The following MAVS variants were observed in gnomAD, a reference collection of about 807,000 sequenced individuals.
The protein encoded by MAVS is mitochondrial antiviral-signaling protein.
In MAVS, 20 loss-of-function variants were observed where a neutral mutation model predicts 30.2. The observed-to-expected ratio is 0.66, with a 90% CI of 0.47 to 0.96. The LOEUF (loss-of-function observed/expected upper bound fraction) is 0.96. Among genes scored for constraint, MAVS ranks in the 40% least tolerant of loss-of-function variants. The pLI is 0.00. For synonymous variants in MAVS, 278 were observed against 293.9 expected (o/e 0.95, Z 0.55); for missense variants, 624 against 701.1 (o/e 0.89, Z 1.24).
Position 3,862,457 on chromosome 20 carries a change from A to G in MAVS, c.625+44A>G, listed in dbSNP as rs184252738. The G allele has an allele frequency of 4.0e-3, 6,372 of 1,574,568 alleles. 22 individuals carry two copies. Among genetic ancestry groups the G allele is most frequent in the Non-Finnish European group, 4.3e-3 (4,927 of 1,157,664 alleles). On this transcript the variant is annotated intron_variant, in intron 5 of 6. Transcript: ENST00000428216. ...ATTATAGGGTCCTTCTGATCTCTCA[A>G]GTGAGGGTAAGAATTAGAGTTGCCC... is the stretch of plus-strand genomic sequence containing the variant.
At position 3,864,807 on chromosome 20, in the gene MAVS, T is replaced by A. The variant is rs563778382; in HGVS notation, c.1158+19T>A. The A allele has an allele frequency of 3.7e-6, 6 of 1,607,074 alleles. No homozygotes were observed. The Admixed American group carries it at 8.3e-5, about 22-fold the overall frequency. ...AAATGAGGTGAGTCCTCGCCCTTCCTGGCAGGGATCCTGGCCCCTTCCCCC... is the reference window on the plus strand; with the variant it reads ...AAATGAGGTGAGTCCTCGCCCTTCCAGGCAGGGATCCTGGCCCCTTCCCCC... On this transcript the variant is annotated intron_variant, in intron 6 of 6. Coordinates refer to ENST00000428216, the MANE Select transcript of MAVS (RefSeq NM_020746.5).
Position 3,861,454 on chromosome 20 carries a change from AG to A in MAVS, c.416del (p.Ser139IlefsTer52), listed in dbSNP as rs1247755209. The A allele has an allele frequency of 3.7e-6, 6 of 1,614,072 alleles. No homozygotes were observed. Among genetic ancestry groups the A allele is most frequent in the Non-Finnish European group, 5.1e-6 (6 of 1,179,976 alleles). On this transcript the variant is annotated frameshift_variant, in exon 4 of 7. Coordinates refer to ENST00000428216, the MANE Select transcript of MAVS (RefSeq NM_020746.5). LOFTEE classifies it high-confidence loss of function. ...CAACAGCTGCAGAGAGAAGGAGCCA[AG>A]TTACCCCATGCCTGTCCAGGAGACC... ...PYNSCREKEP[S>X]YPMPVQETQA...
rs765212362 is a variant in MAVS, at chr20:3,865,861, C to T, written c.1337C>T (p.Ser446Phe). The T allele has an allele frequency of 5.0e-6, 8 of 1,613,952 alleles. No homozygotes were observed. The African/African-American group carries it at 1.1e-4, about 22-fold the overall frequency. The change falls in exon 7 of 7, where the codon TCC becomes TTC. Residue 446 changes from serine to phenylalanine, a missense_variant. Transcript: ENST00000428216. This position sits in a 1 kb window ranked among gnomAD's most constrained non-coding sequence, Gnocchi z 4.7. ...GATCTTGCCATCAGTGCCAGCACCT[C>T]CTTGGGCATGGGGCCCTGCCATGGC... ...FEDLAISAST[S>F]LGMGPCHGPE...
At chr20:3,854,144 C>G (rs2089788693) in intron 1 of MAVS, among the ~76,000 whole-genome samples, 1 of 151,658 alleles carries the variant, frequency 6.6e-6, no homozygotes. Context: ...CAAAAACGGC[C>G]AGGTGTGGTG....
At chr20:3,859,443 G>C (rs914091251) in intron 3 of MAVS, among the ~76,000 whole-genome samples, 1 of 151,464 alleles carries the variant, frequency 6.6e-6, no homozygotes, top group Non-Finnish European at 1.5e-5. Flanking sequence ...GGGAGGTGGA[G>C]GTTGCAGTGA....
At position 3,868,888 on chromosome 20, in the gene MAVS, A is replaced by G. The variant is rs890600540; in HGVS notation, c.*2741A>G. ...GACCGAGTGATACTCTGTCTCAAAGAAAAAAAATTATAATTTTAGCACAGT... is the reference window on the plus strand; with the variant it reads ...GACCGAGTGATACTCTGTCTCAAAGGAAAAAAATTATAATTTTAGCACAGT... On this transcript the variant is annotated 3_prime_UTR_variant, in exon 7 of 7. Transcript: ENST00000428216. The G allele has an allele frequency of 6.6e-6, 1 of 152,036 alleles. No individual in the cohort carries two copies. The highest frequency in any genetic ancestry group is 2.4e-5 in the African/African-American group (1 of 41,240). The allele number at this position is 152,036 out of a possible 1,614,324, so 9.4% of individuals were successfully genotyped here.
rs1206901992 is a variant in MAVS at position 3,868,613 on chromosome 20, G to A, written c.*2466G>A. The A allele has an allele frequency of 3.3e-5, 5 of 150,016 alleles. No individual in the cohort carries two copies. The highest frequency in any genetic ancestry group is 2.0e-4 in the East Asian group (1 of 5,100). The allele number at this position is 150,016 out of a possible 1,614,324, so 9.3% of individuals were successfully genotyped here. ...TGTGCCACTGCGCTCCAGCCTGGGC[G>A]ACAGAGTGGTATTCTGTTTCAAAAA... On this transcript the variant is annotated 3_prime_UTR_variant, in exon 7 of 7. Coordinates refer to ENST00000428216, the MANE Select transcript of MAVS (RefSeq NM_020746.5).
At chr20:3,859,561 G>A (rs1217122427) in intron 3 of MAVS, among the ~76,000 whole-genome samples, 1 of 151,568 alleles carries the variant, frequency 6.6e-6, no homozygotes, top group Non-Finnish European at 1.5e-5. Flanking sequence ...GCTGTGGTAG[G>A]GCCTGATGAG....
rs2089917859 is a variant in MAVS at position 3,867,443 on chromosome 20, A to T, written c.*1296A>T. ...GGACCCCATCTCTACAAAAAAGTTT[A>T]AAAAATTAGCCAGGCGTGGTGGTGC... On this transcript the variant is annotated 3_prime_UTR_variant, in exon 7 of 7. Transcript: ENST00000428216. 1 of 183,180 alleles carries T rather than the reference A, an allele frequency of 5.5e-6. No individual in the cohort carries two copies. Among genetic ancestry groups the T allele is most frequent in the Non-Finnish European group, 1.2e-5 (1 of 85,782 alleles). The allele number at this position is 183,180 out of a possible 1,614,324, so 11.3% of individuals were successfully genotyped here.
chr20:3,857,757 G>A lies in MAVS; in HGVS notation c.240G>A (p.Glu80=), dbSNP rs1407245874. 1.2e-6 allele frequency: 2 copies of A among 1,614,128 alleles called. No individual in the cohort carries two copies. The highest frequency in any genetic ancestry group is 2.7e-5 in the African/African-American group (2 of 74,936). Residue 80 remains glutamate (E), a synonymous_variant, in exon 3 of 7, where the codon GAG becomes GAA. Coordinates refer to ENST00000428216, the MANE Select transcript of MAVS (RefSeq NM_020746.5). ...TCATTGCGGCACTGAGGGGCTGTGAGCTAGTTGATCTCGCGGACGAAGTGG... is the reference window on the plus strand; with the variant it reads ...TCATTGCGGCACTGAGGGGCTGTGAACTAGTTGATCTCGCGGACGAAGTGG... ...EYFIAALRGC[E]LVDLADEVAS...
chr20:3,856,059 T>G (rs1337379247), intron 2 of MAVS, among the ~76,000 whole-genome samples: 1 of 90,512 alleles, frequency 1.1e-5, no homozygotes, highest in Non-Finnish European at 2.6e-5. Context: ...GTGGCACGAT[T>G]TTTTTTTTTT....
In MAVS at chr20:3,868,566, G is replaced by A. The variant is rs1183701144; in HGVS notation, c.*2419G>A. ...CGAGAATTCCATGAACCCAGGATGC[G>A]GAGGTTGCAGTGAGCCGAGATTGTG... On this transcript the variant is annotated 3_prime_UTR_variant, in exon 7 of 7. Coordinates refer to ENST00000428216, the MANE Select transcript of MAVS (RefSeq NM_020746.5). 3.3e-5 allele frequency: 5 copies of A among 152,112 alleles called. No individual in the cohort carries two copies. Among genetic ancestry groups the A allele is most frequent in the Non-Finnish European group, 7.4e-5 (5 of 68,020 alleles). The allele number at this position is 152,112 out of a possible 1,614,324, so 9.4% of individuals were successfully genotyped here.
In MAVS at chr20:3,860,069, G is replaced by A. The variant is rs1345128695; in HGVS notation, c.293-1263G>A. On this transcript the variant is annotated intron_variant, in intron 3 of 6. Coordinates refer to ENST00000428216, the MANE Select transcript of MAVS (RefSeq NM_020746.5). ...CCTGACCTCGTGATCCACCCGCCTC[G>A]GCCTCCCAAAGTGCTGGGATTACAG... Among the ~76,000 whole-genome samples the A allele has an allele frequency of 4.6e-5, 7 of 152,150 alleles. No individual in the cohort carries two copies. The South Asian group carries it at 6.2e-4, about 14-fold the overall frequency.
chr20:3,856,353 ATTTTTTT>A (rs56232181), intron 2 of MAVS, among the ~76,000 whole-genome samples: 1 of 101,438 alleles, frequency 9.9e-6, no homozygotes, highest in Admixed American at 1.2e-4. Context: ...TGCGCCCAGC[ATTTTTTT>A]TTTTTTTTTT....
chr20:3,847,747 C>G (rs552247578), intron 1 of MAVS, among the ~76,000 whole-genome samples: 4 of 152,280 alleles, frequency 2.6e-5, no homozygotes, highest in African/African-American at 7.2e-5. Flanking sequence ...GGCTTGAAGG[C>G]AGGTGGCTGT....
At chr20:3,848,339 T>G (rs995283809) in intron 1 of MAVS, among the ~76,000 whole-genome samples, 27 of 152,184 alleles carry the variant, frequency 1.8e-4, no homozygotes, top group African/African-American at 6.3e-4. Context: ...CCTCAAGTGA[T>G]CTGCCTGCCT....
intron 1 of MAVS, among the ~76,000 whole-genome samples, chr20:3,847,926 T>C (rs1477578201): frequency 6.6e-6 from 1 of 152,210 alleles, no homozygotes; most frequent in Admixed American, 6.6e-5. Flanking sequence ...AACCTTAGGA[T>C]GTGCCTGTCT....
rs757615367 is a variant in MAVS at position 3,865,807 on chromosome 20, T to A, written c.1283T>A (p.Val428Glu). ...LSKPGVLASQ[V>E]DSPFSGCFED... ...AAGCCTGGCGTGCTGGCATCCCAGG[T>A]AGACAGCCCGTTCTCGGGCTGCTTC... Residue 428 changes from valine (V) to glutamate (E), a missense_variant, in exon 7 of 7, where the codon GTA (valine) becomes GAA (glutamate). Coordinates refer to ENST00000428216, the MANE Select transcript of MAVS (RefSeq NM_020746.5). The surrounding 1 kb of genome is among the most constrained non-coding windows in gnomAD (Gnocchi z 4.7). The A allele has an allele frequency of 6.2e-7, 1 of 1,613,892 alleles. No individual in the cohort carries two copies. Among genetic ancestry groups the A allele is most frequent in the Non-Finnish European group, 8.5e-7 (1 of 1,180,012 alleles).
rs550080519 is a variant in MAVS at position 3,858,056 on chromosome 20, C to T, written c.292+247C>T. 28 of 542,244 alleles carry T rather than the reference C, an allele frequency of 5.2e-5. 1 individual carries two copies. Among genetic ancestry groups the T allele is most frequent in the Middle Eastern group, 5.9e-4 (2 of 3,404 alleles). The allele number at this position is 542,244 out of a possible 1,614,324, so 33.6% of individuals were successfully genotyped here. On this transcript the variant is annotated intron_variant, in intron 3 of 6. Transcript: ENST00000428216. ...AAATGAAGCTCATGGCAGCATCTGC[C>T]GCGGGGAGCTGCAGTGGGTGATACT...
Sources: allele counts gnomAD v4.1 joint callset (sites outside exome capture counted in the v4.1 genomes callset), GRCh38; gene constraint gnomAD v4.1.1; non-coding constraint Gnocchi (gnomAD v3.1); transcripts MANE v1.5; gene names NCBI Gene and HGNC (gene_info 2026-07-23, HGNC 2026-07-21).